The following SORCS1 variants were observed in gnomAD, a reference collection of about 807,000 sequenced individuals.
SORCS1 encodes VPS10 domain-containing receptor SorCS1.
In SORCS1, 60 loss-of-function variants were observed where a neutral mutation model predicts 146.1. The ratio of observed to expected loss-of-function variants is 0.41; its 90% CI spans 0.33 to 0.51. The LOEUF is 0.51. Among genes scored for constraint, SORCS1 ranks in the 20% least tolerant of loss-of-function variants. The probability of loss-of-function intolerance (pLI) is 0.21; values close to 1 mark genes in which losing one functional copy is unlikely to be tolerated. For missense variants in SORCS1, 1,352 were observed against 1,487.6 expected (o/e 0.91, Z 1.50); for synonymous variants, 637 against 584.0 (o/e 1.09, Z -1.31).
In SORCS1 at chr10:106,576,093, G is replaced by A. The variant is rs775125373; in HGVS notation, c.*1327C>T. 4.6e-5 allele frequency: 7 copies of A among 152,252 alleles called. No homozygotes were observed. Among genetic ancestry groups the A allele is most frequent in the East Asian group, 1.9e-4 (1 of 5,176 alleles). The allele number at this position is 152,252 out of a possible 1,614,324, so 9.4% of individuals were successfully genotyped here. A position where few individuals can be genotyped will look rare whatever the true frequency, so the allele number is the denominator to read the frequency against. ...TTACTTTGCATATATCAACTCTTTC[G>A]CATACAGTATATGTTTCCAGGTGGG... On this transcript the variant is annotated 3_prime_UTR_variant, in exon 26 of 26. Transcript: ENST00000263054.
intron 2 of SORCS1, among the ~76,000 whole-genome samples, chr10:106,835,606 A>G (rs1463995312): frequency 2.6e-5 from 4 of 152,212 alleles, no homozygotes; most frequent in African/African-American, 9.6e-5. Context: ...TACTTGGATC[A>G]CAGAGTTAAT....
chr10:106,851,109 C>T (rs1010855257), intron 2 of SORCS1, among the ~76,000 whole-genome samples: 1 of 152,214 alleles, frequency 6.6e-6, no homozygotes, highest in Non-Finnish European at 1.5e-5. Flanking sequence ...TATGACAGGC[C>T]TTCATCAGAT....
intron 2 of SORCS1, among the ~76,000 whole-genome samples, chr10:106,953,009 A>C (rs1954767720): frequency 6.6e-6 from 1 of 152,000 alleles, no homozygotes; most frequent in African/African-American, 2.4e-5. Context: ...ACTAATAATA[A>C]TAATAATTTA....
chr10:106,679,287 A>G lies in SORCS1; in HGVS notation c.1709T>C (p.Val570Ala). ...ELSDTDISMF[V>A]SSDAGNTWRQ... ...CCAGGTGTTCCCTGCATCTGAAGAG[A>G]CAAACATGCTGATGTCAGTGTCTGA... Residue 570 changes from valine (V) to alanine (A), a missense_variant, in exon 12 of 26, where the codon GTC becomes GCC. Transcript: ENST00000263054. 1 of 1,613,390 alleles carries G rather than the reference A, an allele frequency of 6.2e-7. No individual in the cohort carries two copies. The highest frequency in any genetic ancestry group is 8.5e-7 in the Non-Finnish European group (1 of 1,179,522).
At chr10:106,887,994 G>A (rs1472800402) in intron 2 of SORCS1, among the ~76,000 whole-genome samples, 2 of 152,234 alleles carry the variant, frequency 1.3e-5, no homozygotes, top group African/African-American at 4.8e-5. Context: ...GTAACATGAA[G>A]CAAATTCCAA....
At chr10:107,147,978 G>A (rs1221348417) in intron 1 of SORCS1, among the ~76,000 whole-genome samples, 2 of 152,158 alleles carry the variant, frequency 1.3e-5, no homozygotes, top group African/African-American at 4.8e-5. Flanking sequence ...ATCCAAATGA[G>A]GACTTAAATA....
chr10:106,994,074 A>AAG (rs1341808458), intron 1 of SORCS1, among the ~76,000 whole-genome samples: 3 of 150,174 alleles, frequency 2.0e-5, no homozygotes, highest in African/African-American at 7.5e-5. Flanking sequence ...AAAAAAAAAA[A>AAG]AAAAAAAAAA....
the SORCS1 span, among the ~76,000 whole-genome samples, chr10:107,171,817 C>T: frequency 3.3e-5 from 5 of 152,128 alleles, no homozygotes; most frequent in African/African-American, 1.2e-4. Context: ...CTTAATACAT[C>T]CCTTATTCAA....
At chr10:107,165,648 G>A (rs540180672), upstream of SORCS1, among the ~76,000 whole-genome samples, 5 of 152,248 alleles carry the variant, frequency 3.3e-5, no homozygotes, top group African/African-American at 1.2e-4. The surrounding 1 kb of genome is among the most constrained non-coding windows in gnomAD (Gnocchi z 4.0). Context: ...TGAGTCTAAT[G>A]CATATCTGCA....
intron 2 of SORCS1, among the ~76,000 whole-genome samples, chr10:106,862,620 A>G (rs1227850883): frequency 2.6e-5 from 4 of 152,086 alleles, no homozygotes; most frequent in African/African-American, 9.6e-5. Flanking sequence ...CTTTCATACA[A>G]TTTCATAGGA....
chr10:106,844,402 ATTTTCTTCTATG>A (rs1037523117), intron 2 of SORCS1, among the ~76,000 whole-genome samples: 3 of 151,070 alleles, frequency 2.0e-5, no homozygotes, highest in African/African-American at 7.3e-5. Context: ...TATTGAGGAG[ATTTTCTTCTATG>A]TTTTCTTCTA....
rs184405571 is a variant in SORCS1, at chr10:107,001,656, G to A, written c.559-45076C>T. Among the ~76,000 whole-genome samples, 11 of 152,276 alleles carry A rather than the reference G, an allele frequency of 7.2e-5. No individual in the cohort carries two copies. In the East Asian group the frequency reaches 2.1e-3, roughly 29 times the overall value. ...TTTTTATATTTTTAGCAGAGACAGG[G>A]TTTCATCATGTTGGCCAGGCTGGTC... On this transcript the variant is annotated intron_variant, in intron 1 of 25. Transcript: ENST00000263054.
At chr10:106,607,103 T>C in intron 23 of SORCS1, 63 bp downstream of exon 23, 1 of 1,585,490 alleles carries the variant, frequency 6.3e-7, no homozygotes, top group South Asian at 1.2e-5. Flanking sequence ...AATGGAGGCT[T>C]AGAAAGTTGA....
At chr10:106,763,666 C>T (rs1006058584) in intron 4 of SORCS1, among the ~76,000 whole-genome samples, 10 of 152,108 alleles carry the variant, frequency 6.6e-5, no homozygotes, top group Admixed American at 5.2e-4. Context: ...AGATGAAAGG[C>T]CACCTCTTCT....
At chr10:107,124,953 C>CTTTTTTTTTTTTTTTT (rs577523339) in intron 1 of SORCS1, among the ~76,000 whole-genome samples, 1 of 121,612 alleles carries the variant, frequency 8.2e-6, no homozygotes, top group Non-Finnish European at 1.7e-5. Context: ...TTTTCTTTTT[C>CTTTTTTTTTTTTTTTT]TTTTTTTTTT....
intron 4 of SORCS1, among the ~76,000 whole-genome samples, chr10:106,762,025 G>A (rs2136255792): frequency 6.6e-6 from 1 of 152,296 alleles, no homozygotes; most frequent in African/African-American, 2.4e-5. Flanking sequence ...GCAAAGAAGT[G>A]CAAAATCTAG....
chr10:107,000,075 T>A (rs1457271628), intron 1 of SORCS1, among the ~76,000 whole-genome samples: 1 of 152,166 alleles, frequency 6.6e-6, no homozygotes, highest in Non-Finnish European at 1.5e-5. Flanking sequence ...GGCAGAAAAC[T>A]GTACTCCCAG....
intron 1 of SORCS1, among the ~76,000 whole-genome samples, chr10:107,073,609 A>AT (rs1962628910): frequency 6.6e-6 from 1 of 152,232 alleles, no homozygotes; most frequent in Non-Finnish European, 1.5e-5. Context: ...AAGTCTTAGT[A>AT]TCCCTATTTT....
intron 19 of SORCS1, among the ~76,000 whole-genome samples, chr10:106,627,344 G>C (rs1848173519): frequency 6.6e-6 from 1 of 152,022 alleles, no homozygotes; most frequent in Admixed American, 6.6e-5. Flanking sequence ...ACAAATTTGT[G>C]GTATATGGAA....
Sources: allele counts gnomAD v4.1 joint callset (sites outside exome capture counted in the v4.1 genomes callset), GRCh38; gene constraint gnomAD v4.1.1; non-coding constraint Gnocchi (gnomAD v3.1); transcripts MANE v1.5; gene names NCBI Gene and HGNC (gene_info 2026-07-23, HGNC 2026-07-21).